PRKCA: variants seen among roughly 807,000 people sequenced by gnomAD.
PRKCA encodes the protein protein kinase C alpha.
A neutral mutation model predicts 87.0 loss-of-function variants in PRKCA; 27 were observed. That is an observed-to-expected ratio of 0.31 (90% CI 0.23 to 0.43). The LOEUF is 0.43. Among genes scored for constraint, PRKCA ranks in the 20% least tolerant of loss-of-function variants. The probability of loss-of-function intolerance (pLI) is 1.00; values close to 1 mark genes in which losing one functional copy is unlikely to be tolerated. For synonymous variants in PRKCA, 329 were observed against 311.1 expected (o/e 1.06, Z -0.61); for missense variants, 518 against 852.3 (o/e 0.61, Z 4.88).
At chr17:66,763,400 A>C (rs964075566) in intron 13 of PRKCA, among the ~76,000 whole-genome samples, 2 of 152,140 alleles carry the variant, frequency 1.3e-5, no homozygotes, top group South Asian at 2.1e-4. Flanking sequence ...TATCAAACCC[A>C]AGATCCCAGC....
intron 5 of PRKCA, among the ~76,000 whole-genome samples, chr17:66,669,989 A>G (rs999126175): frequency 6.6e-6 from 1 of 152,248 alleles, no homozygotes; most frequent in African/African-American, 2.4e-5. Context: ...CTACAGGAGA[A>G]CAAAAACCAG....
chr17:66,580,936 C>A (rs149847082), intron 3 of PRKCA, among the ~76,000 whole-genome samples: 2 of 151,996 alleles, frequency 1.3e-5, no homozygotes, highest in African/African-American at 2.4e-5. Context: ...GTTGCCCCCC[C>A]CCATGCTCGA....
At chr17:66,488,813 A>G (rs1028330373) in intron 2 of PRKCA, among the ~76,000 whole-genome samples, 2 of 152,206 alleles carry the variant, frequency 1.3e-5, no homozygotes, top group African/African-American at 4.8e-5. Context: ...TATGTGATAG[A>G]GTGCATTTAT....
At chr17:66,633,268 C>A (rs1971069743) in intron 3 of PRKCA, among the ~76,000 whole-genome samples, 1 of 151,766 alleles carries the variant, frequency 6.6e-6, no homozygotes, top group South Asian at 2.1e-4. Flanking sequence ...CTCATGTTAA[C>A]CAAAAAAATT....
chr17:66,611,837 C>A (rs528260230), intron 3 of PRKCA, among the ~76,000 whole-genome samples: 6 of 152,312 alleles, frequency 3.9e-5, no homozygotes, highest in African/African-American at 1.2e-4. Context: ...TTCATAGTTA[C>A]AGATCTTCTT....
chr17:66,626,075 G>A (rs1311196795), intron 3 of PRKCA, among the ~76,000 whole-genome samples: 3 of 152,132 alleles, frequency 2.0e-5, no homozygotes, highest in Non-Finnish European at 2.9e-5. Context: ...ATATGTTTCC[G>A]AACTCTCTGC....
intron 2 of PRKCA, among the ~76,000 whole-genome samples, chr17:66,360,089 A>G (rs1463998261): frequency 1.3e-5 from 2 of 152,212 alleles, no homozygotes; most frequent in Non-Finnish European, 2.9e-5. Flanking sequence ...TATTCATATC[A>G]CTCAGAAGTA....
intron 13 of PRKCA, among the ~76,000 whole-genome samples, chr17:66,771,107 A>G (rs917282776): frequency 1.3e-5 from 2 of 150,694 alleles, no homozygotes; most frequent in Non-Finnish European, 3.0e-5. Context: ...GGTTGAAGCA[A>G]CTCTCCTGCC....
At chr17:66,435,842 AT>A (rs1913361669) in intron 2 of PRKCA, among the ~76,000 whole-genome samples, 1 of 152,142 alleles carries the variant, frequency 6.6e-6, no homozygotes, top group Admixed American at 6.5e-5. Context: ...AGTTAAGTGG[AT>A]GCAGGCATAG....
chr17:66,803,290 A>G lies in PRKCA; in HGVS notation c.1855-583A>G, dbSNP rs1258415632. On this transcript the variant is annotated intron_variant, in intron 16 of 16. Transcript: ENST00000413366. This position sits in a 1 kb window ranked among gnomAD's most constrained non-coding sequence, Gnocchi z 4.4. The stretch of plus-strand genomic sequence containing the variant: ...AGGTGTGCTAAATCCTAGCTGGGCC[A>G]GGTGCAAATCTCCCAGCCTTGCCGC... Among the ~76,000 whole-genome samples the G allele has an allele frequency of 6.6e-6, 1 of 152,326 alleles. No homozygotes were observed. Among genetic ancestry groups the G allele is most frequent in the East Asian group, 1.9e-4 (1 of 5,180 alleles).
intron 2 of PRKCA, among the ~76,000 whole-genome samples, chr17:66,314,845 TTC>T (rs1042852194): frequency 7.5e-5 from 11 of 146,778 alleles, no homozygotes; most frequent in Admixed American, 3.5e-4. Context: ...TAGAATTTCT[TTC>T]TCTCTCTCTC....
chr17:66,472,573 C>T (rs576409640), intron 2 of PRKCA, among the ~76,000 whole-genome samples: 10 of 152,156 alleles, frequency 6.6e-5, no homozygotes, highest in Non-Finnish European at 1.5e-4. Context: ...GTTTAATGCT[C>T]AGTTGCCAAA....
At position 66,667,338 on chromosome 17, in the gene PRKCA, TG is replaced by T. The variant is rs1972068848; in HGVS notation, c.530-19770del. Reference sequence around the variant, plus strand: ...CTGCTAATAAAGACATACCTGAGACTGGGTAATTTATCAAGGAAAAAGGTTT... The same window carrying T: ...CTGCTAATAAAGACATACCTGAGACTGGTAATTTATCAAGGAAAAAGGTTT... On this transcript the variant is annotated intron_variant, in intron 5 of 16. Coordinates refer to ENST00000413366, the MANE Select transcript of PRKCA (RefSeq NM_002737.3). Among the ~76,000 whole-genome samples the T allele has an allele frequency of 2.0e-5, 3 of 152,308 alleles. No individual in the cohort carries two copies. The South Asian group carries it at 6.2e-4, about 32-fold the overall frequency.
intron 8 of PRKCA, among the ~76,000 whole-genome samples, chr17:66,702,740 A>C (rs1431593943): frequency 6.6e-6 from 1 of 152,186 alleles, no homozygotes; most frequent in Admixed American, 6.5e-5. Context: ...GCCTTCTGAA[A>C]ATGTATCACT....
At chr17:66,542,704 A>G (rs1027683849) in intron 3 of PRKCA, among the ~76,000 whole-genome samples, 6 of 152,192 alleles carry the variant, frequency 3.9e-5, no homozygotes, top group African/African-American at 1.4e-4. Flanking sequence ...AGTGGGAGCC[A>G]TTGGGGAGTC....
intron 3 of PRKCA, among the ~76,000 whole-genome samples, chr17:66,593,228 C>G (rs1969869116): frequency 6.6e-6 from 1 of 152,198 alleles, no homozygotes; most frequent in African/African-American, 2.4e-5. Flanking sequence ...GTCGGTGTTT[C>G]CTCCCATGTA....
chr17:66,303,503 T>TTTG, intron 1 of PRKCA, among the ~76,000 whole-genome samples: 1 of 151,574 alleles, frequency 6.6e-6, no homozygotes, highest in East Asian at 2.0e-4. Context: ...GCGTTCGGGG[T>TTTG]GGGGGGGTTG....
At chr17:66,456,889 A>G (rs974713417) in intron 2 of PRKCA, among the ~76,000 whole-genome samples, 1 of 152,142 alleles carries the variant, frequency 6.6e-6, no homozygotes, top group African/African-American at 2.4e-5. Flanking sequence ...GGGATAGCTG[A>G]TGGGAGTTGT....
intron 8 of PRKCA, among the ~76,000 whole-genome samples, chr17:66,709,511 G>A (rs746904672): frequency 6.6e-6 from 1 of 151,692 alleles, no homozygotes; most frequent in Non-Finnish European, 1.5e-5. Context: ...GTTTCACCAT[G>A]CTGGCCAGGC....
Sources: allele counts gnomAD v4.1 joint callset (sites outside exome capture counted in the v4.1 genomes callset), GRCh38; gene constraint gnomAD v4.1.1; non-coding constraint Gnocchi (gnomAD v3.1); transcripts MANE v1.5; gene names NCBI Gene and HGNC (gene_info 2026-07-23, HGNC 2026-07-21).